Variants in KCTD16 observed in about 807,000 individuals in gnomAD.
KCTD16 encodes the protein potassium channel tetramerization domain containing 16, also known as BTB/POZ domain-containing protein KCTD16.
KCTD16 carries 13 observed loss-of-function variants against 33.2 expected under a neutral mutation model. That is an observed-to-expected ratio of 0.39 (90% CI 0.25 to 0.62). The LOEUF (loss-of-function observed/expected upper bound fraction) is 0.62. KCTD16 is among the 20% of genes least tolerant of loss of function. The pLI is 0.50. For missense variants in KCTD16, 441 were observed against 525.1 expected (o/e 0.84, Z 1.57); for synonymous variants, 197 against 195.3 (o/e 1.01, Z -0.07).
At chr5:144,411,872 G>A (rs113772813) in intron 3 of KCTD16, among the ~76,000 whole-genome samples, 1,922 of 152,210 alleles carry the variant, frequency 0.013, 37 homozygotes, top group African/African-American at 0.044. Flanking sequence ...GATCTGAATA[G>A]ATGTTCCTCA....
At chr5:144,231,423 C>T (rs372716454) in intron 3 of KCTD16, among the ~76,000 whole-genome samples, 22 of 152,160 alleles carry the variant, frequency 1.4e-4, no homozygotes, top group African/African-American at 5.1e-4. Context: ...TTGATAGGCA[C>T]ATTAGTAGAA....
rs114957362 is a variant in KCTD16 at position 144,314,372 on chromosome 5, G to A, written c.832+106826G>A. Among the ~76,000 whole-genome samples, 334 of 152,224 alleles carry A rather than the reference G, an allele frequency of 2.2e-3. 1 individual carries two copies. The highest frequency in any genetic ancestry group is 7.9e-3 in the African/African-American group (327 of 41,528). The stretch of plus-strand genomic sequence containing the variant: ...CTTGGGAGTAATGAAAGCTCAGGCA[G>A]GGGAAATTTCTCACAAAATGAGTTC... On this transcript the variant is annotated intron_variant, in intron 3 of 3. Transcript: ENST00000512467.
chr5:144,178,614 C>A (rs550314158), intron 2 of KCTD16, among the ~76,000 whole-genome samples: 2 of 152,080 alleles, frequency 1.3e-5, no homozygotes, highest in Admixed American at 1.3e-4. Flanking sequence ...TCATAAATCC[C>A]CTGCTGTCTG....
chr5:144,179,916 A>G (rs1463087894), intron 2 of KCTD16, among the ~76,000 whole-genome samples: 3 of 152,218 alleles, frequency 2.0e-5, no homozygotes, highest in Non-Finnish European at 4.4e-5. Flanking sequence ...GTGTCTGTCT[A>G]TGGTTTTTTA....
chr5:144,254,680 C>T (rs571173348), intron 3 of KCTD16, among the ~76,000 whole-genome samples: 16 of 152,252 alleles, frequency 1.1e-4, no homozygotes, highest in African/African-American at 3.6e-4. Flanking sequence ...TTTCCCCCTC[C>T]CACAGCCTCT....
chr5:144,243,951 G>T (rs1248066554), intron 3 of KCTD16, among the ~76,000 whole-genome samples: 1 of 152,012 alleles, frequency 6.6e-6, no homozygotes, highest in African/African-American at 2.4e-5. Context: ...CACCATGTTG[G>T]CCAGGAGGGT....
At chr5:144,328,131 C>A (rs886885723) in intron 3 of KCTD16, among the ~76,000 whole-genome samples, 14 of 151,814 alleles carry the variant, frequency 9.2e-5, no homozygotes, top group Non-Finnish European at 5.9e-5. Flanking sequence ...TCAGGATCCC[C>A]ACTGCACCTA....
At chr5:144,345,804 G>A (rs959872491) in intron 3 of KCTD16, among the ~76,000 whole-genome samples, 3 of 152,066 alleles carry the variant, frequency 2.0e-5, no homozygotes, top group Admixed American at 2.0e-4. Flanking sequence ...GTACATCATG[G>A]GGAATAGGGT....
intron 3 of KCTD16, among the ~76,000 whole-genome samples, chr5:144,424,479 C>A (rs1333609075): frequency 6.6e-6 from 1 of 152,120 alleles, no homozygotes; most frequent in Non-Finnish European, 1.5e-5. Flanking sequence ...AATCTAAAGG[C>A]CTTGATCCTT....
chr5:144,359,209 A>T (rs763864776), intron 3 of KCTD16, among the ~76,000 whole-genome samples: 9 of 152,202 alleles, frequency 5.9e-5, no homozygotes, highest in African/African-American at 2.2e-4. Flanking sequence ...TAAATGGAAC[A>T]GCCTCCCAGA....
intron 3 of KCTD16, among the ~76,000 whole-genome samples, chr5:144,412,508 A>C (rs1561598560): frequency 1.3e-5 from 2 of 152,178 alleles, no homozygotes; most frequent in African/African-American, 2.4e-5. Context: ...GGTGCTTATC[A>C]GAGGCTAGGA....
At chr5:144,272,076 A>G (rs917296691) in intron 3 of KCTD16, among the ~76,000 whole-genome samples, 1 of 152,192 alleles carries the variant, frequency 6.6e-6, no homozygotes, top group South Asian at 2.1e-4. Context: ...TTAAGATGCC[A>G]ATATTACTCA....
At chr5:144,296,481 G>T (rs1038332865) in intron 3 of KCTD16, among the ~76,000 whole-genome samples, 1 of 151,990 alleles carries the variant, frequency 6.6e-6, no homozygotes, top group African/African-American at 2.4e-5. Flanking sequence ...CAGTTCTCTG[G>T]GGGCCAGTGG....
At chr5:144,411,515 C>A (rs1752932057) in intron 3 of KCTD16, among the ~76,000 whole-genome samples, 4 of 152,006 alleles carry the variant, frequency 2.6e-5, no homozygotes, top group Admixed American at 1.3e-4. Context: ...CTCTCTCTCA[C>A]CAGATTAAAA....
chr5:144,292,532 G>A (rs544828630), intron 3 of KCTD16, among the ~76,000 whole-genome samples: 4 of 152,282 alleles, frequency 2.6e-5, no homozygotes, highest in East Asian at 3.9e-4. Flanking sequence ...AGCCCTAGAC[G>A]TGCTGCTTTG....
At chr5:144,383,558 A>AG (rs1752261399) in intron 3 of KCTD16, among the ~76,000 whole-genome samples, 1 of 146,690 alleles carries the variant, frequency 6.8e-6, no homozygotes, top group Non-Finnish European at 1.5e-5. Context: ...AAAAAAAAAA[A>AG]GAAACATTCT....
intron 3 of KCTD16, among the ~76,000 whole-genome samples, chr5:144,385,536 C>T (rs1267255441): frequency 6.6e-6 from 1 of 152,082 alleles, no homozygotes; most frequent in Non-Finnish European, 1.5e-5. Flanking sequence ...TATTTTCCCC[C>T]AGATGTTGCT....
At chr5:144,243,901 G>A (rs1369965284) in intron 3 of KCTD16, among the ~76,000 whole-genome samples, 5 of 151,918 alleles carry the variant, frequency 3.3e-5, no homozygotes, top group East Asian at 1.9e-4. Context: ...ACGCCATCAC[G>A]CCCGGCTAAT....
chr5:144,402,021 A>C (rs1037867443), intron 3 of KCTD16, among the ~76,000 whole-genome samples: 2 of 152,208 alleles, frequency 1.3e-5, no homozygotes, highest in South Asian at 2.1e-4. Context: ...AGGTGCTGTC[A>C]TGAAGCTCAT....
Sources: gnomAD v4.1 joint callset for allele counts (sites outside exome capture counted in the v4.1 genomes callset) on GRCh38, gnomAD v4.1.1 for gene constraint, MANE v1.5 for transcripts, NCBI Gene and HGNC (gene_info 2026-07-23, HGNC 2026-07-21) for gene names.